The following FBH1 variants were observed in gnomAD, a reference collection of about 807,000 sequenced individuals.
FBH1 encodes F-box DNA helicase 1.
Under a neutral mutation model 115.5 loss-of-function variants are expected in FBH1, and 43 were observed. The observed-to-expected ratio is 0.37, with a 90% CI of 0.29 to 0.48. FBH1 has a LOEUF of 0.48. Among genes scored for constraint, FBH1 ranks in the 20% least tolerant of loss-of-function variants. FBH1 has a pLI of 0.99. For synonymous variants in FBH1, 524 were observed against 507.8 expected, an observed-to-expected ratio of 1.03 and a Z score of -0.43; for missense variants, 1,001 against 1,337.3, an observed-to-expected ratio of 0.75 and a Z score of 3.92.
chr10:5,900,573 G>A lies in FBH1; in HGVS notation c.2-2447G>A, dbSNP rs918288527. Among the ~76,000 whole-genome samples, 2 of 152,202 alleles carry A rather than the reference G, an allele frequency of 1.3e-5. No homozygotes were observed. Among genetic ancestry groups the A allele is most frequent in the South Asian group, 2.1e-4 (1 of 4,834 alleles). On this transcript the variant is annotated intron_variant, in intron 1 of 20. Coordinates refer to ENST00000362091, the MANE Select transcript of FBH1 (RefSeq NM_178150.3). The surrounding 1 kb of genome is among the most constrained non-coding windows in gnomAD (Gnocchi z 4.2). ...TTCAGGTAGTTAGACGATTTCCAGC[G>A]TCCTTTCAGAGGGGCTCTCAGAACT...
rs199657300 is a variant in FBH1 at position 5,911,126 on chromosome 10, T to C, written c.1209T>C (p.Asn403=). 33 of 1,610,474 alleles carry C rather than the reference T, an allele frequency of 2.0e-5. No homozygotes were observed. In the East Asian group the frequency reaches 6.5e-4, roughly 32 times the overall value. The part of the protein sequence containing the change: ...AMREKGINIS[N]RIHYNIFYCL... ...GGGAGAAGGGGATTAACATCAGCAATAGGTAATGCCCCGGGAGGAGGGGAG... is the reference window on the plus strand; with the variant it reads ...GGGAGAAGGGGATTAACATCAGCAACAGGTAATGCCCCGGGAGGAGGGGAG... Residue 403 remains asparagine (N), a splice_region_variant and synonymous_variant, in exon 6 of 21, where the codon AAT becomes AAC. Transcript: ENST00000362091. The surrounding 1 kb of genome is among the most constrained non-coding windows in gnomAD (Gnocchi z 5.4).
In FBH1 at chr10:5,910,670, G is replaced by C. The variant is rs2296137; in HGVS notation, c.1021-268G>C. 6.6e-6 allele frequency among the ~76,000 whole-genome samples: 1 copy of C among 152,014 alleles called. No individual in the cohort carries two copies. The highest frequency in any genetic ancestry group is 2.4e-5 in the African/African-American group (1 of 41,376). On this transcript the variant is annotated intron_variant, in intron 5 of 20. Coordinates refer to ENST00000362091, the MANE Select transcript of FBH1 (RefSeq NM_178150.3). This position sits in a 1 kb window ranked among gnomAD's most constrained non-coding sequence, Gnocchi z 4.8. ...GCTCATATTTTTAGACTGTCTCTCT[G>C]TCCAAGGTTCTATGTTAGATACTTC...
chr10:5,923,154 A>G lies in FBH1; in HGVS notation c.2323-467A>G, dbSNP rs190267254. On this transcript the variant is annotated intron_variant, in intron 15 of 20. Coordinates refer to ENST00000362091, the MANE Select transcript of FBH1 (RefSeq NM_178150.3). The surrounding 1 kb of genome is among the most constrained non-coding windows in gnomAD (Gnocchi z 5.7). ...TGCCTCAGCCTCCCAAAGTGCTGGG[A>G]TTACAGGCATGAGCCACTGCGCCTG... Among the ~76,000 whole-genome samples, 2 of 152,300 alleles carry G rather than the reference A, an allele frequency of 1.3e-5. No homozygotes were observed. Among genetic ancestry groups the G allele is most frequent in the African/African-American group, 4.8e-5 (2 of 41,572 alleles).
In FBH1 at chr10:5,909,975, C is replaced by T. The variant is rs930314774; in HGVS notation, c.1020+681C>T. Among the ~76,000 whole-genome samples, 9 of 152,118 alleles carry T rather than the reference C, an allele frequency of 5.9e-5. No individual in the cohort carries two copies. Among genetic ancestry groups the T allele is most frequent in the African/African-American group, 1.7e-4 (7 of 41,420 alleles). On this transcript the variant is annotated intron_variant, in intron 5 of 20. Coordinates refer to ENST00000362091, the MANE Select transcript of FBH1 (RefSeq NM_178150.3). This position sits in a 1 kb window ranked among gnomAD's most constrained non-coding sequence, Gnocchi z 4.4. ...TGGAATGCATTCTTTAACACAGAGACGTGTAGTAACTTAAGAATGGTAAAG... is the reference window on the plus strand; with the variant it reads ...TGGAATGCATTCTTTAACACAGAGATGTGTAGTAACTTAAGAATGGTAAAG...
In FBH1 at chr10:5,933,560, G is replaced by A. The variant is rs1486834698; in HGVS notation, c.2830-2896G>A. Among the ~76,000 whole-genome samples, 1 of 152,158 alleles carries A rather than the reference G, an allele frequency of 6.6e-6. No individual in the cohort carries two copies. The highest frequency in any genetic ancestry group is 6.5e-5 in the Admixed American group (1 of 15,282). The stretch of plus-strand genomic sequence containing the variant: ...CTGTCTGCCCTCAGGGGTCCTGCGA[G>A]GAAGTCCCAGAAAAACTGCCTATTT... On this transcript the variant is annotated intron_variant, in intron 19 of 20. Coordinates refer to ENST00000362091, the MANE Select transcript of FBH1 (RefSeq NM_178150.3). The surrounding 1 kb of genome is among the most constrained non-coding windows in gnomAD (Gnocchi z 4.9).
At position 5,909,726 on chromosome 10, in the gene FBH1, C is replaced by T. The variant is rs1831443686; in HGVS notation, c.1020+432C>T. Among the ~76,000 whole-genome samples, 1 of 152,214 alleles carries T rather than the reference C, an allele frequency of 6.6e-6. No homozygotes were observed. The highest frequency in any genetic ancestry group is 6.5e-5 in the Admixed American group (1 of 15,288). On this transcript the variant is annotated intron_variant, in intron 5 of 20. Coordinates refer to ENST00000362091, the MANE Select transcript of FBH1 (RefSeq NM_178150.3). This position sits in a 1 kb window ranked among gnomAD's most constrained non-coding sequence, Gnocchi z 4.4. The stretch of plus-strand genomic sequence containing the variant: ...TGAGAAGCTGGAAATAACCCTCAGT[C>T]TCCTTGAATCTCAGCCCTGTTGCTC...
Position 5,923,819 on chromosome 10 carries a change from C to G in FBH1, c.2398+123C>G, listed in dbSNP as rs1046587468. The G allele has an allele frequency of 4.5e-6, 4 of 884,374 alleles. No homozygotes were observed. Among genetic ancestry groups the G allele is most frequent in the African/African-American group, 3.4e-5 (2 of 59,560 alleles). 54.8% of individuals were successfully genotyped at this position (884,374 alleles called of 1,614,324 possible). ...TCCAGAGAAGGGCGAGCTAGTGTTG[C>G]TGTCTTCCCATGACGAGGGGGGTGC... is the stretch of plus-strand genomic sequence containing the variant. On this transcript the variant is annotated intron_variant, in intron 16 of 20. Transcript: ENST00000362091. The surrounding 1 kb of genome is among the most constrained non-coding windows in gnomAD (Gnocchi z 5.7).
chr10:5,892,509 A>G (rs557825647), intron 1 of FBH1, among the ~76,000 whole-genome samples: 1 of 152,306 alleles, frequency 6.6e-6, no homozygotes, highest in South Asian at 2.1e-4. Context: ...CTGTGAAATT[A>G]CCTACTTTTA....
At chr10:5,893,268 T>C (rs1418592842) in intron 1 of FBH1, among the ~76,000 whole-genome samples, 1 of 152,190 alleles carries the variant, frequency 6.6e-6, no homozygotes, top group Non-Finnish European at 1.5e-5. Context: ...ACTGTGCCAT[T>C]GTACCCCAGC....
Position 5,936,943 on chromosome 10 carries a change from G to T in FBH1, c.2962-167G>T. On this transcript the variant is annotated intron_variant, in intron 20 of 20. Coordinates refer to ENST00000362091, the MANE Select transcript of FBH1 (RefSeq NM_178150.3). The surrounding 1 kb of genome is among the most constrained non-coding windows in gnomAD (Gnocchi z 5.6). ...TTGGGGGTGTTGAGGCCACCTAGTT[G>T]GTGGTGCTGTGGGAGGTGTTACTCT... The T allele has an allele frequency of 1.4e-6, 1 of 722,542 alleles. No homozygotes were observed. Among genetic ancestry groups the T allele is most frequent in the Non-Finnish European group, 2.2e-6 (1 of 446,640 alleles). 44.8% of individuals were successfully genotyped at this position (722,542 alleles called of 1,614,324 possible).
At position 5,923,732 on chromosome 10, in the gene FBH1, C is replaced by T. The variant is rs41290321; in HGVS notation, c.2398+36C>T. 0.012 allele frequency: 19,383 copies of T among 1,569,748 alleles called. 163 individuals are homozygous for T. Among genetic ancestry groups the T allele is most frequent in the Non-Finnish European group, 0.015 (16,781 of 1,143,210 alleles). The stretch of plus-strand genomic sequence containing the variant: ...ACCTGGCCTTGGTGCATTGGAAGGA[C>T]GCACCCAAGTGACAGGGACGAGAAA... On this transcript the variant is annotated intron_variant, in intron 16 of 20. Transcript: ENST00000362091. This position sits in a 1 kb window ranked among gnomAD's most constrained non-coding sequence, Gnocchi z 5.7.
chr10:5,894,461 C>T (rs752852903), intron 1 of FBH1: 10 of 1,483,414 alleles, frequency 6.7e-6, no homozygotes, highest in Admixed American at 6.7e-5. Flanking sequence ...AGTCAGGAGA[C>T]CCGGGTTCTT....
At position 5,935,427 on chromosome 10, in the gene FBH1, T is replaced by C. The variant is rs1805293572; in HGVS notation, c.2830-1029T>C. On this transcript the variant is annotated intron_variant, in intron 19 of 20. Transcript: ENST00000362091. This position sits in a 1 kb window ranked among gnomAD's most constrained non-coding sequence, Gnocchi z 5.2. ...AAGGAGACCTGTGTCCTTGGACACG[T>C]GTAAACGAGAAGCTATTTCACCGTG... The C allele has an allele frequency of 6.6e-6, 1 of 152,228 alleles. No homozygotes were observed. Among genetic ancestry groups the C allele is most frequent in the South Asian group, 2.1e-4 (1 of 4,838 alleles). 9.4% of individuals were successfully genotyped at this position (152,228 alleles called of 1,614,324 possible). A position where few individuals can be genotyped will look rare whatever the true frequency, so the allele number is the denominator to read the frequency against.
chr10:5,916,305 G>A lies in FBH1; in HGVS notation c.1637G>A (p.Gly546Glu). ...PFMVNSVLAE[G>E]KGGFIRAKLV... is the part of the protein sequence containing the mutation. ...ATGGTCAACTCCGTCCTTGCTGAAG[G>A]GAAGGGTGGATTCATAAGAGCCAAG... The change falls in exon 10 of 21, where the codon GGG becomes GAG. Residue 546 changes from glycine (G) to glutamate (E), a missense_variant. This residue lies in a region of FBH1 where 521 missense variants were observed against 811.0 expected (regional missense o/e 0.64). Transcript: ENST00000362091. 6.2e-7 allele frequency: 1 copy of A among 1,614,222 alleles called. No homozygotes were observed. Among genetic ancestry groups the A allele is most frequent in the Non-Finnish European group, 8.5e-7 (1 of 1,180,046 alleles).
At chr10:5,929,996 G>A (rs1026840738) in intron 19 of FBH1, 3 of 152,208 alleles carry the variant, frequency 2.0e-5, no homozygotes, top group Non-Finnish European at 2.9e-5. Context: ...GAACTGTGCA[G>A]GGTATTACAG....
At position 5,909,303 on chromosome 10, in the gene FBH1, G is replaced by A. The variant is rs760262960; in HGVS notation, c.1020+9G>A. On this transcript the variant is annotated intron_variant, in intron 5 of 20. Coordinates refer to ENST00000362091, the MANE Select transcript of FBH1 (RefSeq NM_178150.3). This position sits in a 1 kb window ranked among gnomAD's most constrained non-coding sequence, Gnocchi z 4.4. Reference sequence around the variant, plus strand: ...TCTACGCTGCTGCCGGGGTAGGTCTGGAGGCTGCGGGAGAAGGCGGCATGT... The same window carrying A: ...TCTACGCTGCTGCCGGGGTAGGTCTAGAGGCTGCGGGAGAAGGCGGCATGT... 5 of 1,603,636 alleles carry A rather than the reference G, an allele frequency of 3.1e-6. No homozygotes were observed. Among genetic ancestry groups the A allele is most frequent in the Admixed American group, 3.4e-5 (2 of 59,542 alleles).
At position 5,912,516 on chromosome 10, in the gene FBH1, G is replaced by T. The variant is rs547821374; in HGVS notation, c.1212-1231G>T. Among the ~76,000 whole-genome samples, 20 of 140,826 alleles carry T rather than the reference G, an allele frequency of 1.4e-4. 1 individual carries two copies. The highest frequency in any genetic ancestry group is 4.3e-4 in the African/African-American group (17 of 39,608). 92.4% of individuals were successfully genotyped at this position (140,826 alleles called of 152,430 possible). A position where few individuals can be genotyped will look rare whatever the true frequency, so the allele number is the denominator to read the frequency against. On this transcript the variant is annotated intron_variant, in intron 6 of 20. Coordinates refer to ENST00000362091, the MANE Select transcript of FBH1 (RefSeq NM_178150.3). ...GGGGGCTGGGGGCCGGGGGAGGGGG[G>T]TCCCTTCCCCAGGGAGACTGGCCCC...
intron 13 of FBH1, among the ~76,000 whole-genome samples, chr10:5,919,739 T>G (rs1027575076): frequency 6.6e-6 from 1 of 152,214 alleles, no homozygotes; most frequent in Non-Finnish European, 1.5e-5. Context: ...GAAAGTTCCG[T>G]AGACGCCTCT....
Position 5,897,336 on chromosome 10 carries a change from T to G in FBH1, c.2-5684T>G, listed in dbSNP as rs917030083. 6.6e-6 allele frequency among the ~76,000 whole-genome samples: 1 copy of G among 151,944 alleles called. No individual in the cohort carries two copies. The highest frequency in any genetic ancestry group is 1.5e-5 in the Non-Finnish European group (1 of 67,978). On this transcript the variant is annotated intron_variant, in intron 1 of 20. Transcript: ENST00000362091. This position sits in a 1 kb window ranked among gnomAD's most constrained non-coding sequence, Gnocchi z 4.7. ...TGCACCCCACAGCCTCGGAGGGGCT[T>G]TAAGGGAACATTAAGTGTAAAGCGT...
Sources: gnomAD v4.1 joint callset for allele counts (sites outside exome capture counted in the v4.1 genomes callset) on GRCh38, gnomAD v4.1.1 for gene constraint, gnomAD v4.1.1 regional missense constraint, Gnocchi (gnomAD v3.1) non-coding constraint, MANE v1.5 for transcripts, NCBI Gene and HGNC (gene_info 2026-07-23, HGNC 2026-07-21) for gene names.